The following ACYP2 variants were observed in gnomAD, a reference collection of about 807,000 sequenced individuals.
The protein encoded by ACYP2 is acylphosphatase 2.
ACYP2 carries 12 observed loss-of-function variants against 11.2 expected under a neutral mutation model. The ratio of observed to expected loss-of-function variants is 1.08; its 90% CI spans 0.69 to 1.74. The LOEUF (loss-of-function observed/expected upper bound fraction) is 1.74, where lower values mean the gene tolerates loss of function less well. ACYP2 is among the 40% of genes most tolerant of loss of function. The probability of loss-of-function intolerance (pLI) is 0.00; values close to 1 mark genes in which losing one functional copy is unlikely to be tolerated. For missense variants in ACYP2, 134 were observed against 101.9 expected, an observed-to-expected ratio of 1.31 and a Z score of -1.35; for synonymous variants, 43 against 32.2, an observed-to-expected ratio of 1.33 and a Z score of -1.13.
intron 6 of ACYP2, among the ~76,000 whole-genome samples, chr2:54,246,018 A>G (rs1686933437): frequency 6.6e-6 from 1 of 151,926 alleles, no homozygotes; most frequent in Non-Finnish European, 1.5e-5. Context: ...AATCCACTTG[A>G]AGTTGATTTT....
In ACYP2 at chr2:54,023,170, A is replaced by G. The variant is rs148253523; in HGVS notation, c.63-27788A>G. 7.2e-3 allele frequency among the ~76,000 whole-genome samples: 1,089 copies of G among 152,244 alleles called. 7 individuals carry two copies. The highest frequency in any genetic ancestry group is 0.011 in the Non-Finnish European group (754 of 68,010). On this transcript the variant is annotated intron_variant, in intron 2 of 6. Transcript: ENST00000607452. ...TTTCAAAGAATTGTTGTTAATTTCCAGGTGATTATGCTTTTTTGTTGTTGA... is the reference window on the plus strand; with the variant it reads ...TTTCAAAGAATTGTTGTTAATTTCCGGGTGATTATGCTTTTTTGTTGTTGA...
chr2:54,259,669 T>C (rs1266109716), intron 6 of ACYP2, among the ~76,000 whole-genome samples: 2 of 152,016 alleles, frequency 1.3e-5, no homozygotes, highest in Non-Finnish European at 2.9e-5. Flanking sequence ...GGTTGAAATA[T>C]GTTTGAAAGG....
intron 4 of ACYP2, among the ~76,000 whole-genome samples, chr2:54,061,266 T>C (rs193060687): frequency 2.6e-5 from 4 of 152,364 alleles, no homozygotes; most frequent in Admixed American, 6.5e-5. Context: ...ATTAAAAATA[T>C]GTTGGTTTTG....
Position 54,096,848 on chromosome 2 carries a change from G to C in ACYP2, c.278-38605G>C, listed in dbSNP as rs374536894. Among the ~76,000 whole-genome samples the C allele has an allele frequency of 3.9e-4, 60 of 152,168 alleles. 1 individual carries two copies. The highest frequency in any genetic ancestry group is 1.4e-3 in the African/African-American group (57 of 41,538). On this transcript the variant is annotated intron_variant, in intron 4 of 6. Coordinates refer to ENST00000607452, the MANE Select transcript of ACYP2 (RefSeq NM_001320586.2). ...GAAAGAGAGGGAGAGGGAGACCGTG[G>C]GGAGAGGGAGAGGGGGAGGGGGAGC... is the stretch of plus-strand genomic sequence containing the variant.
chr2:54,158,036 A>ATTT (rs1044125309), intron 6 of ACYP2, among the ~76,000 whole-genome samples: 247 of 151,352 alleles, frequency 1.6e-3, no homozygotes, highest in African/African-American at 5.5e-3. Context: ...TATTATTATT[A>ATTT]TTTTTTTGAG....
At chr2:54,094,596 G>C (rs969725906) in intron 4 of ACYP2, among the ~76,000 whole-genome samples, 5 of 151,332 alleles carry the variant, frequency 3.3e-5, no homozygotes, top group African/African-American at 1.2e-4. Context: ...GGAAGGCAGT[G>C]GCACCATCTC....
At chr2:54,124,296 G>C (rs186411305) in intron 4 of ACYP2, among the ~76,000 whole-genome samples, 1 of 152,116 alleles carries the variant, frequency 6.6e-6, no homozygotes, top group African/African-American at 2.4e-5. Flanking sequence ...CCAGGTTCAA[G>C]TGATTATCCT....
chr2:54,066,356 C>T (rs1572681153), intron 4 of ACYP2, among the ~76,000 whole-genome samples: 1 of 152,174 alleles, frequency 6.6e-6, no homozygotes, highest in Non-Finnish European at 1.5e-5. Flanking sequence ...CTTGAGGCCT[C>T]GCCAGACATG....
chr2:53,977,578 C>A (rs1305132498), intron 2 of ACYP2, among the ~76,000 whole-genome samples: 1 of 151,522 alleles, frequency 6.6e-6, no homozygotes, highest in South Asian at 2.1e-4. Context: ...ACTAAAAATA[C>A]AAAAAAATTA....
chr2:54,037,652 C>A (rs1203065708), intron 2 of ACYP2, among the ~76,000 whole-genome samples: 1 of 152,130 alleles, frequency 6.6e-6, no homozygotes. Context: ...AAGTGATCCT[C>A]CCCCCTCACC....
intron 6 of ACYP2, among the ~76,000 whole-genome samples, chr2:54,252,302 T>C (rs540381474): frequency 3.5e-4 from 53 of 152,336 alleles, no homozygotes; most frequent in Admixed American, 2.4e-3. Flanking sequence ...GGTTTTTTTT[T>C]CCACTATTGA....
chr2:54,298,734 T>C (rs375299569), intron 6 of ACYP2, among the ~76,000 whole-genome samples: 103 of 152,320 alleles, frequency 6.8e-4, no homozygotes, highest in African/African-American at 2.4e-3. Context: ...AGCTGCCCTG[T>C]CTGCTCAGGC....
chr2:54,056,154 C>T (rs1443013624), intron 3 of ACYP2, among the ~76,000 whole-genome samples: 1 of 152,198 alleles, frequency 6.6e-6, no homozygotes, highest in Non-Finnish European at 1.5e-5. Context: ...TTGTCTTCCA[C>T]CAGCTTGAGG....
chr2:54,275,048 T>G (rs78856415), intron 6 of ACYP2, among the ~76,000 whole-genome samples: 4,074 of 151,830 alleles, frequency 0.027, 178 homozygotes, highest in African/African-American at 0.094. Context: ...ATTTTTAAGT[T>G]CTGTGTAAGG....
chr2:54,234,607 A>G (rs12618994), intron 6 of ACYP2, among the ~76,000 whole-genome samples: 15,412 of 152,280 alleles, frequency 0.1, 936 homozygotes, highest in East Asian at 0.17. Flanking sequence ...AGCTGAACCA[A>G]TTGAGATGTC....
intron 4 of ACYP2, among the ~76,000 whole-genome samples, chr2:54,107,322 T>C (rs1361609590): frequency 6.6e-6 from 1 of 152,246 alleles, no homozygotes; most frequent in Admixed American, 6.5e-5. Flanking sequence ...TATTCTATAA[T>C]CTTTCAACAG....
intron 4 of ACYP2, among the ~76,000 whole-genome samples, chr2:54,082,111 A>G (rs1257075556): frequency 6.6e-6 from 1 of 152,230 alleles, no homozygotes; most frequent in Non-Finnish European, 1.5e-5. Context: ...TCTGACAGGC[A>G]TATCACAGTA....
chr2:54,161,829 T>C (rs932291938), intron 6 of ACYP2, among the ~76,000 whole-genome samples: 8 of 152,190 alleles, frequency 5.3e-5, no homozygotes, highest in African/African-American at 2.4e-5. Flanking sequence ...AGTGCTTTGT[T>C]ATTTGTGTGT....
intron 4 of ACYP2, among the ~76,000 whole-genome samples, chr2:54,122,013 G>A (rs1310426218): frequency 6.6e-6 from 1 of 152,232 alleles, no homozygotes; most frequent in East Asian, 1.9e-4. Context: ...CCAGGGAACA[G>A]AACCTGGACT....
Sources: gnomAD v4.1 joint callset for allele counts (sites outside exome capture counted in the v4.1 genomes callset) on GRCh38, gnomAD v4.1.1 for gene constraint, MANE v1.5 for transcripts, NCBI Gene and HGNC (gene_info 2026-07-23, HGNC 2026-07-21) for gene names.